Variants in CALN1 observed in about 807,000 individuals in gnomAD.
CALN1 encodes calneuron 1.
Under a neutral mutation model 30.6 loss-of-function variants are expected in CALN1, and 17 were observed. The observed-to-expected ratio is 0.56, with a 90% CI of 0.38 to 0.83. CALN1 has a LOEUF of 0.83. Among genes scored for constraint, CALN1 ranks in the 40% least tolerant of loss-of-function variants. The pLI, the probability that CALN1 is intolerant of heterozygous loss-of-function variation, is 0.00. For missense variants in CALN1, 291 were observed against 354.9 expected, an observed-to-expected ratio of 0.82 and a Z score of 1.45; for synonymous variants, 156 against 131.4, an observed-to-expected ratio of 1.19 and a Z score of -1.28.
At chr7:72,292,523 A>T (rs900973169) in intron 2 of CALN1, among the ~76,000 whole-genome samples, 2 of 150,932 alleles carry the variant, frequency 1.3e-5, no homozygotes, top group African/African-American at 4.9e-5. Flanking sequence ...CATTGGCAAT[A>T]AGAATTTCAA....
intron 5 of CALN1, among the ~76,000 whole-genome samples, chr7:72,019,497 T>C (rs1014927703): frequency 6.6e-6 from 1 of 152,176 alleles, no homozygotes; most frequent in African/African-American, 2.4e-5. Context: ...ATAAAAGATA[T>C]CATTGCTCTT....
intron 4 of CALN1, among the ~76,000 whole-genome samples, chr7:72,053,310 A>G (rs1051264330): frequency 2.0e-5 from 3 of 152,246 alleles, no homozygotes; most frequent in Non-Finnish European, 4.4e-5. Context: ...AGTAAAAAGC[A>G]TGATTTTCAA....
chr7:72,438,844 T>C (rs1267309101), intron 1 of CALN1, among the ~76,000 whole-genome samples: 1 of 152,204 alleles, frequency 6.6e-6, no homozygotes, highest in African/African-American at 2.4e-5. Context: ...AAGTTTATAT[T>C]TTATGTTTCA....
intron 5 of CALN1, among the ~76,000 whole-genome samples, chr7:71,953,946 A>C (rs1200614506): frequency 6.6e-6 from 1 of 152,166 alleles, no homozygotes; most frequent in South Asian, 2.1e-4. Flanking sequence ...GACAAAAAAA[A>C]CATGATCTCA....
intron 2 of CALN1, among the ~76,000 whole-genome samples, chr7:72,370,656 CAAAAAA>C (rs374531193): frequency 9.9e-6 from 1 of 100,878 alleles, no homozygotes; most frequent in Non-Finnish European, 2.0e-5. Flanking sequence ...GACTCCGTCT[CAAAAAA>C]AAAAAAAAAA....
At chr7:71,911,986 T>G (rs1223514793) in intron 5 of CALN1, among the ~76,000 whole-genome samples, 7 of 151,962 alleles carry the variant, frequency 4.6e-5, no homozygotes, top group Non-Finnish European at 7.4e-5. Context: ...GGTCACTGAT[T>G]CCATAGGCTA....
intron 2 of CALN1, among the ~76,000 whole-genome samples, chr7:72,338,470 A>AGT (rs56695086): frequency 0.038 from 2,867 of 74,706 alleles, 125 homozygotes; most frequent in Non-Finnish European, 0.056. Flanking sequence ...CCAGCAGCAC[A>AGT]GTGTGTGTGT....
intron 2 of CALN1, among the ~76,000 whole-genome samples, chr7:72,364,207 A>C (rs1483238843): frequency 1.3e-5 from 2 of 152,222 alleles, no homozygotes; most frequent in African/African-American, 4.8e-5. Flanking sequence ...AAGATGTCAG[A>C]TCTCTCTAAA....
intron 5 of CALN1, among the ~76,000 whole-genome samples, chr7:72,021,840 T>C (rs938736148): frequency 1.3e-5 from 2 of 152,208 alleles, no homozygotes; most frequent in African/African-American, 4.8e-5. Flanking sequence ...ACTTGGCTGC[T>C]TGACCCTCAC....
chr7:72,500,292 T>TTC, the CALN1 span, among the ~76,000 whole-genome samples: 1 of 93,448 alleles, frequency 1.1e-5, no homozygotes, highest in East Asian at 2.6e-4. Flanking sequence ...TTTTTTTTTT[T>TTC]TTTTTTTTGA....
chr7:72,140,700 G>C (rs1809864494), intron 3 of CALN1, among the ~76,000 whole-genome samples: 1 of 152,240 alleles, frequency 6.6e-6, no homozygotes, highest in Non-Finnish European at 1.5e-5. Context: ...GTGTGAGCTG[G>C]TCCTGTACCC....
At chr7:71,929,601 T>C (rs1305003863) in intron 5 of CALN1, among the ~76,000 whole-genome samples, 1 of 152,270 alleles carries the variant, frequency 6.6e-6, no homozygotes, top group Non-Finnish European at 1.5e-5. Context: ...TATTGATAAA[T>C]AATATTCCAT....
At chr7:72,038,585 C>T (rs973000832) in intron 4 of CALN1, among the ~76,000 whole-genome samples, 1 of 152,072 alleles carries the variant, frequency 6.6e-6, no homozygotes, top group Non-Finnish European at 1.5e-5. Context: ...ACCCTCTGTG[C>T]TGCATTTCCA....
chr7:72,263,145 A>G (rs779886050), intron 3 of CALN1, among the ~76,000 whole-genome samples: 17 of 152,190 alleles, frequency 1.1e-4, no homozygotes, highest in Non-Finnish European at 1.9e-4. Flanking sequence ...CATCATCATC[A>G]TAACAATAAC....
chr7:72,062,544 T>G (rs1008147465), intron 4 of CALN1, among the ~76,000 whole-genome samples: 10 of 122,540 alleles, frequency 8.2e-5, no homozygotes, highest in African/African-American at 2.8e-4. Flanking sequence ...AAAAAATAAA[T>G]AAATAAAATG....
At chr7:72,252,958 G>A (rs184250156) in intron 3 of CALN1, among the ~76,000 whole-genome samples, 4 of 152,162 alleles carry the variant, frequency 2.6e-5, no homozygotes, top group East Asian at 1.9e-4. Flanking sequence ...TTATGCCTTC[G>A]GTATTTAAAA....
rs1230218275 is a variant in CALN1 at position 71,994,962 on chromosome 7, C to G, written c.501+28695G>C. Among the ~76,000 whole-genome samples the G allele has an allele frequency of 4.6e-5, 7 of 151,884 alleles. No individual in the cohort carries two copies. The East Asian group carries it at 1.2e-3, about 25-fold the overall frequency. ...CCGCCTCCCAGGTTCACGCCATTCT[C>G]CTGCCTCAGCCTCCTGAGTAGCTGG... On this transcript the variant is annotated intron_variant, in intron 5 of 6. Transcript: ENST00000395275.
rs567560466 is a variant in CALN1 at position 71,788,719 on chromosome 7, A to G, written c.659-817T>C. On this transcript the variant is annotated intron_variant, in intron 6 of 6. Coordinates refer to ENST00000395275, the MANE Select transcript of CALN1 (RefSeq NM_031468.4). ...GTCACCCAGGCTGGAGTGCAGTGGC[A>G]TGATCTTGGCTCACTACAAGCTCCA... 2.7e-5 allele frequency among the ~76,000 whole-genome samples: 4 copies of G among 150,328 alleles called. No individual in the cohort carries two copies. The East Asian group carries it at 9.4e-4, about 35-fold the overall frequency.
intron 5 of CALN1, among the ~76,000 whole-genome samples, chr7:71,898,273 T>C (rs901530221): frequency 4.6e-5 from 7 of 152,046 alleles, no homozygotes; most frequent in African/African-American, 1.4e-4. Context: ...GAGGTTGCAG[T>C]GAGCCGAGAT....
Sources: allele counts gnomAD v4.1 joint callset (sites outside exome capture counted in the v4.1 genomes callset), GRCh38; gene constraint gnomAD v4.1.1; transcripts MANE v1.5; gene names NCBI Gene and HGNC (gene_info 2026-07-23, HGNC 2026-07-21).